The following MLIP variants were observed in gnomAD, a reference collection of about 807,000 sequenced individuals.
The protein encoded by MLIP is muscular LMNA interacting protein.
Under a neutral mutation model 84.8 loss-of-function variants are expected in MLIP, and 79 were observed. The observed-to-expected ratio is 0.93, with a 90% CI of 0.78 to 1.12. The LOEUF is 1.12. Among genes scored for constraint, MLIP ranks in the 50% most tolerant of loss-of-function variants. MLIP has a pLI of 0.00. For missense variants in MLIP, 1,257 were observed against 1,160.6 expected (o/e 1.08, Z -1.21); for synonymous variants, 504 against 463.0 (o/e 1.09, Z -1.14).
At chr6:54,149,239 A>G in intron 5 of MLIP, 112 bp downstream of exon 5, 1 of 891,306 alleles carries the variant, frequency 1.1e-6, no homozygotes, top group Non-Finnish European at 1.8e-6. Flanking sequence ...CTTTACTAAA[A>G]TAACATTCCA....
chr6:54,127,545 T>C (rs1771024436), intron 3 of MLIP, among the ~76,000 whole-genome samples: 1 of 152,300 alleles, frequency 6.6e-6, no homozygotes, highest in East Asian at 1.9e-4. Flanking sequence ...TTTCTGTACC[T>C]ATTTTATAAT....
At chr6:54,152,246 T>G (rs974542985) in intron 5 of MLIP, among the ~76,000 whole-genome samples, 1 of 152,140 alleles carries the variant, frequency 6.6e-6, no homozygotes, top group Admixed American at 6.6e-5. Context: ...TCAGATTACA[T>G]TGTGACTGTC....
intron 10 of MLIP, among the ~76,000 whole-genome samples, chr6:54,196,183 T>C (rs1447814064): frequency 6.6e-6 from 1 of 152,122 alleles, no homozygotes; most frequent in East Asian, 1.9e-4. Flanking sequence ...GCACCTTTTT[T>C]TAAAAAAAAG....
At chr6:54,080,179 A>C (rs934129195) in intron 1 of MLIP, among the ~76,000 whole-genome samples, 2 of 152,048 alleles carry the variant, frequency 1.3e-5, no homozygotes, top group African/African-American at 4.8e-5. Flanking sequence ...AAACTCTTTC[A>C]TGGTCGCCTT....
rs574297203 is a variant in MLIP at position 54,181,312 on chromosome 6, C to A, written c.2545-8558C>A. Among the ~76,000 whole-genome samples the A allele has an allele frequency of 8.5e-5, 13 of 152,272 alleles. No individual in the cohort carries two copies. In the South Asian group the frequency reaches 2.7e-3, roughly 32 times the overall value. On this transcript the variant is annotated intron_variant, in intron 9 of 13. Coordinates refer to ENST00000502396, the MANE Select transcript of MLIP (RefSeq NM_001281747.2). ...AACACCACCAGCACATGGGCTGGGGCGGTGGTCTGCTGGGCCACCACTGAT... is the reference window on the plus strand; with the variant it reads ...AACACCACCAGCACATGGGCTGGGGAGGTGGTCTGCTGGGCCACCACTGAT...
At chr6:54,217,625 C>A (rs1199801612) in intron 11 of MLIP, 1 of 983,592 alleles carries the variant, frequency 1.0e-6, no homozygotes, top group Non-Finnish European at 1.2e-6. Context: ...ATAATTAATT[C>A]TTTTCAAAAA....
At chr6:54,094,246 C>A (rs551927532) in intron 1 of MLIP, among the ~76,000 whole-genome samples, 2 of 150,408 alleles carry the variant, frequency 1.3e-5, no homozygotes, top group South Asian at 4.3e-4. Flanking sequence ...TATCAAAATT[C>A]ATTTTCAAGG....
chr6:54,207,566 G>A (rs1425297206), intron 11 of MLIP, among the ~76,000 whole-genome samples: 1 of 152,114 alleles, frequency 6.6e-6, no homozygotes, highest in Non-Finnish European at 1.5e-5. Flanking sequence ...TTATGTAGGA[G>A]TAAAAATCTT....
chr6:54,231,597 CA>C (rs58391010), intron 12 of MLIP, among the ~76,000 whole-genome samples: 4,225 of 152,178 alleles, frequency 0.028, 184 homozygotes, highest in African/African-American at 0.094. Flanking sequence ...ATGGGGCTTA[CA>C]TATAAGTGCC....
Position 54,230,841 on chromosome 6 carries a change from T to G in MLIP, c.2846T>G (p.Phe949Cys). The G allele has an allele frequency of 6.2e-7, 1 of 1,613,994 alleles. No individual in the cohort carries two copies. The highest frequency in any genetic ancestry group is 8.5e-7 in the Non-Finnish European group (1 of 1,179,974). ...SHADCLAPGP[F>C]SHLSFSLSDE... ...GCTGACTGTCTTGCCCCAGGACCCT[T>G]CAGTCATCTGTCCTTCTCCTTGAGT... Residue 949 changes from phenylalanine to cysteine, a missense_variant, in exon 12 of 14, where the codon TTC becomes TGC. Physicochemically the swap from Phe to Cys is radical, Grantham distance 205. Transcript: ENST00000502396.
chr6:54,238,990 T>G (rs1015473315), intron 12 of MLIP, among the ~76,000 whole-genome samples: 2 of 152,208 alleles, frequency 1.3e-5, no homozygotes, highest in Non-Finnish European at 1.5e-5. Flanking sequence ...TTTCTTCACA[T>G]GTACTATGGA....
intron 10 of MLIP, 49 bp from the exon 11 acceptor site, chr6:54,202,056 A>T: frequency 7.5e-7 from 1 of 1,341,774 alleles, no homozygotes; most frequent in Non-Finnish European, 1.0e-6. Flanking sequence ...TGTTCATTTT[A>T]ATAGTGTTTT....
intron 1 of MLIP, among the ~76,000 whole-genome samples, chr6:54,025,402 A>G (rs1763743681): frequency 6.6e-6 from 1 of 152,218 alleles, no homozygotes; most frequent in Non-Finnish European, 1.5e-5. Context: ...ATAAATGCAA[A>G]TTAAATTTAA....
chr6:54,246,201 GACATCAA>G (rs1375456442), intron 12 of MLIP, among the ~76,000 whole-genome samples: 4 of 152,080 alleles, frequency 2.6e-5, no homozygotes, highest in Non-Finnish European at 5.9e-5. Flanking sequence ...GCCACCATTA[GACATCAA>G]ACACTTTCTT....
chr6:54,074,071 G>A (rs1234278642), intron 1 of MLIP, among the ~76,000 whole-genome samples: 4 of 152,112 alleles, frequency 2.6e-5, no homozygotes, highest in South Asian at 2.1e-4. Flanking sequence ...CTTTCCAGCC[G>A]CATTTTGTTG....
At chr6:54,135,085 A>G (rs987075234) in intron 3 of MLIP, among the ~76,000 whole-genome samples, 2 of 152,118 alleles carry the variant, frequency 1.3e-5, no homozygotes, top group African/African-American at 2.4e-5. Flanking sequence ...TCCAAATAAG[A>G]CATTGTCATG....
At chr6:54,122,052 G>A (rs1770501083) in intron 2 of MLIP, among the ~76,000 whole-genome samples, 1 of 152,096 alleles carries the variant, frequency 6.6e-6, no homozygotes, top group Non-Finnish European at 1.5e-5. Context: ...TGCTGGTTTT[G>A]TAAATTTATA....
intron 9 of MLIP, among the ~76,000 whole-genome samples, chr6:54,177,446 T>A (rs1193319388): frequency 6.6e-6 from 1 of 151,998 alleles, no homozygotes; most frequent in Non-Finnish European, 1.5e-5. Flanking sequence ...GAAAAAAAGC[T>A]TAACATCACA....
At chr6:54,231,852 A>G (rs2150807389) in intron 12 of MLIP, among the ~76,000 whole-genome samples, 1 of 152,322 alleles carries the variant, frequency 6.6e-6, no homozygotes, top group South Asian at 2.1e-4. Context: ...GCATTTTTAA[A>G]GAAAAAAATG....
Sources: allele counts gnomAD v4.1 joint callset (sites outside exome capture counted in the v4.1 genomes callset), GRCh38; gene constraint gnomAD v4.1.1; transcripts MANE v1.5; gene names NCBI Gene and HGNC (gene_info 2026-07-23, HGNC 2026-07-21).